The following TNS1 variants were observed in gnomAD, a reference collection of about 807,000 sequenced individuals.
The protein encoded by TNS1 is tensin 1.
In TNS1, 62 loss-of-function variants were observed where a neutral mutation model predicts 168.6. The ratio of observed to expected loss-of-function variants is 0.37; its 90% CI spans 0.30 to 0.45. The LOEUF is 0.45. TNS1 is among the 20% of genes least tolerant of loss of function. The pLI is 1.00. For synonymous variants in TNS1, 934 were observed against 933.2 expected (o/e 1.00, Z -0.02); for missense variants, 2,240 against 2,339.4 (o/e 0.96, Z 0.88).
intron 18 of TNS1, among the ~76,000 whole-genome samples, chr2:217,866,857 A>C (rs1190420742): frequency 2.0e-5 from 3 of 152,232 alleles, no homozygotes; most frequent in African/African-American, 7.2e-5. Context: ...AGAGCTGGAC[A>C]GGCAGGCTTC....
chr2:217,883,042 G>A (rs929080945), intron 16 of TNS1, among the ~76,000 whole-genome samples: 36 of 148,514 alleles, frequency 2.4e-4, no homozygotes, highest in Admixed American at 4.0e-4. Flanking sequence ...GCAATCCACC[G>A]GCCTCAGCAT....
intron 3 of TNS1, among the ~76,000 whole-genome samples, chr2:217,972,893 C>G (rs1419720595): frequency 6.6e-6 from 1 of 152,176 alleles, no homozygotes; most frequent in Admixed American, 6.5e-5. Flanking sequence ...TCCTTTGCAA[C>G]TTTTCTGTAA....
At chr2:217,815,604 C>T (rs1434477002) in intron 24 of TNS1, among the ~76,000 whole-genome samples, 1 of 152,172 alleles carries the variant, frequency 6.6e-6, no homozygotes. Flanking sequence ...TGGTGGAGGG[C>T]CTGGCACTGC....
intron 4 of TNS1, among the ~76,000 whole-genome samples, chr2:217,917,926 G>A (rs1472149239): frequency 6.6e-6 from 1 of 151,738 alleles, no homozygotes; most frequent in Admixed American, 6.6e-5. Context: ...AAGTGCAAAG[G>A]CCTGGAGGCA....
chr2:218,002,956 G>T lies in TNS1; in HGVS notation c.-84C>A. The T allele has an allele frequency of 6.6e-6, 3 of 455,878 alleles. No homozygotes were observed. Among genetic ancestry groups the T allele is most frequent in the Non-Finnish European group, 1.3e-5 (3 of 226,800 alleles). 28.2% of individuals were successfully genotyped at this position (455,878 alleles called of 1,614,324 possible). A position where few individuals can be genotyped will look rare whatever the true frequency, so the allele number is the denominator to read the frequency against. ...GAGTCCCCGCGGCGCTGGCAGAAGG[G>T]CTCTCTGAGTCCGCGGCTGCTCCGG... On this transcript the variant is annotated 5_prime_UTR_variant, in exon 1 of 33. Coordinates refer to ENST00000682258, the MANE Select transcript of TNS1 (RefSeq NM_001387777.1).
At chr2:217,872,294 G>A (rs574827605) in intron 18 of TNS1, among the ~76,000 whole-genome samples, 4 of 152,156 alleles carry the variant, frequency 2.6e-5, no homozygotes, top group South Asian at 2.1e-4. Flanking sequence ...AGAATATATC[G>A]GCAAATTATA....
At chr2:217,835,064 A>G (rs755840078) in intron 21 of TNS1, 27 bp downstream of exon 21, 2 of 1,556,718 alleles carry the variant, frequency 1.3e-6, no homozygotes, top group East Asian at 2.4e-5. Context: ...GTACACAGGG[A>G]AGACGAGCTT....
At chr2:217,868,217 G>A (rs1222228965) in intron 18 of TNS1, among the ~76,000 whole-genome samples, 2 of 152,216 alleles carry the variant, frequency 1.3e-5, no homozygotes, top group East Asian at 3.8e-4. Flanking sequence ...ATGGACTTAA[G>A]GTTAGGCCTA....
upstream of TNS1, among the ~76,000 whole-genome samples, chr2:218,007,183 G>A (rs1189154228): frequency 6.7e-6 from 1 of 149,006 alleles, no homozygotes; most frequent in Non-Finnish European, 1.5e-5. Flanking sequence ...CGAGACCCAG[G>A]AATCTACACC....
In TNS1 at chr2:217,867,245, T is replaced by C. The variant is rs527761077; in HGVS notation, c.1429+13653A>G. Among the ~76,000 whole-genome samples, 19 of 152,334 alleles carry C rather than the reference T, an allele frequency of 1.2e-4. No homozygotes were observed. In the South Asian group the frequency reaches 3.7e-3, roughly 30 times the overall value. On this transcript the variant is annotated intron_variant, in intron 18 of 32. Transcript: ENST00000682258. ...ATCACTGTCTGGGAGCATCAATTAA[T>C]ACAGTCCTTATGAAGGCCAATCTGG...
chr2:217,810,220 A>G (rs1460527616), intron 29 of TNS1, 28 bp downstream of exon 29: 4 of 1,612,736 alleles, frequency 2.5e-6, no homozygotes, highest in Non-Finnish European at 2.5e-6. Flanking sequence ...AGGCCTGGGC[A>G]TGGGTACAGT....
intron 3 of TNS1, among the ~76,000 whole-genome samples, chr2:217,977,243 G>A (rs1252203460): frequency 1.3e-5 from 2 of 152,188 alleles, no homozygotes; most frequent in African/African-American, 4.8e-5. Context: ...ACAGAACAAG[G>A]AGGGAGGTGG....
chr2:217,812,289 G>C, intron 28 of TNS1, 79 bp downstream of exon 28: 3 of 1,244,044 alleles, frequency 2.4e-6, no homozygotes, highest in African/African-American at 1.5e-5. Flanking sequence ...GCCCATGTCC[G>C]GAGTGGCTGG....
chr2:217,887,222 C>G (rs555182152), intron 12 of TNS1, among the ~76,000 whole-genome samples: 175 of 152,360 alleles, frequency 1.1e-3, no homozygotes, highest in Non-Finnish European at 2.2e-3. Context: ...AAGTCCCTCT[C>G]TCTGTATCCT....
intron 4 of TNS1, among the ~76,000 whole-genome samples, chr2:217,917,474 C>A (rs1251252228): frequency 6.6e-6 from 1 of 151,962 alleles, no homozygotes; most frequent in African/African-American, 2.4e-5. Context: ...TGCTGAGGGG[C>A]AGTGGAAGCA....
chr2:218,002,070 AG>A (rs1443718424), intron 1 of TNS1, among the ~76,000 whole-genome samples: 1 of 152,106 alleles, frequency 6.6e-6, no homozygotes, highest in Admixed American at 6.5e-5. Flanking sequence ...CTTCTGCAGC[AG>A]GCAGCCCTCT....
intron 4 of TNS1, among the ~76,000 whole-genome samples, chr2:217,908,691 A>G (rs1953986343): frequency 1.3e-5 from 2 of 152,170 alleles, no homozygotes; most frequent in African/African-American, 2.4e-5. Flanking sequence ...ATCTACCCCT[A>G]CTGCCTGGAA....
chr2:218,031,508 A>G (rs1377089731), intron 1 of TNS1, among the ~76,000 whole-genome samples: 1 of 146,540 alleles, frequency 6.8e-6, no homozygotes, highest in African/African-American at 2.5e-5. Context: ...GTCTGTGTGT[A>G]TGAGTGTGTC....
intron 3 of TNS1, among the ~76,000 whole-genome samples, chr2:217,950,985 C>T (rs1957227619): frequency 6.6e-6 from 1 of 152,086 alleles, no homozygotes; most frequent in Admixed American, 6.5e-5. Flanking sequence ...TGATGTAGCA[C>T]TTTCAGGGTT....
Sources: allele counts gnomAD v4.1 joint callset (sites outside exome capture counted in the v4.1 genomes callset), GRCh38; gene constraint gnomAD v4.1.1; transcripts MANE v1.5; gene names NCBI Gene and HGNC (gene_info 2026-07-23, HGNC 2026-07-21).